The following RAB26 variants were observed in gnomAD, a reference collection of about 807,000 sequenced individuals.
RAB26 encodes the protein ras-related protein Rab-26.
RAB26 carries 39 observed loss-of-function variants against 33.1 expected under a neutral mutation model. The observed-to-expected ratio is 1.18, with a 90% CI of 0.91 to 1.54. The LOEUF (loss-of-function observed/expected upper bound fraction) is 1.54, where lower values mean the gene tolerates loss of function less well. Ranked by LOEUF, RAB26 falls within the 40% of genes most tolerant of loss-of-function variation. The probability of loss-of-function intolerance (pLI) is 0.00; values close to 1 mark genes in which losing one functional copy is unlikely to be tolerated. For synonymous variants in RAB26, 192 were observed against 151.9 expected (o/e 1.26, Z -1.94); for missense variants, 468 against 362.9 (o/e 1.29, Z -2.35).
intron 5 of RAB26, 93 bp downstream of exon 5, chr16:2,152,001 C>G: frequency 6.6e-7 from 1 of 1,510,220 alleles, no homozygotes; most frequent in Non-Finnish European, 9.1e-7. Flanking sequence ...TTCCAAAGGA[C>G]CCCGCTGAGA....
rs1345538378 is a variant in RAB26 at position 2,153,038 on chromosome 16, TGGCCAAGGTGAGTCAGGGCAG to T, written c.587_591+16del. 1.2e-6 allele frequency: 2 copies of T among 1,604,344 alleles called. No individual in the cohort carries two copies. The highest frequency in any genetic ancestry group is 1.7e-6 in the Non-Finnish European group (2 of 1,173,148). On this transcript the variant is annotated splice_donor_variant and splice_donor_5th_base_variant and coding_sequence_variant and intron_variant, in exon 7 of 9. Coordinates refer to ENST00000210187, the MANE Select transcript of RAB26 (RefSeq NM_014353.5). LOFTEE classifies it high-confidence loss of function. ...GTGAAGAGGGAGGACGGGGAGAAGCTGGCCAAGGTGAGTCAGGGCAGGGGGGTGGTGAGGGGGTGCCCCTGG... is the reference window on the plus strand; with the variant it reads ...GTGAAGAGGGAGGACGGGGAGAAGCTGGGGGTGGTGAGGGGGTGCCCCTGG...
At chr16:2,151,036 T>G in intron 2 of RAB26, 1 of 349,350 alleles carries the variant, frequency 2.9e-6, no homozygotes. Context: ...CAGGCAGTTC[T>G]GGGATCTGCG....
At position 2,153,611 on chromosome 16, in the gene RAB26, GTGGCCGCACAC is replaced by G. The variant is rs2093014690; in HGVS notation, c.*198_*208del. 1 of 669,154 alleles carries G rather than the reference GTGGCCGCACAC, an allele frequency of 1.5e-6. No individual in the cohort carries two copies. The highest frequency in any genetic ancestry group is 2.2e-5 in the Admixed American group (1 of 44,982). The allele number at this position is 669,154 out of a possible 1,614,324, so 41.5% of individuals were successfully genotyped here. A position where few individuals can be genotyped will look rare whatever the true frequency, so the allele number is the denominator to read the frequency against. ...CCAACAAGCAGGCTTCTGAGAGCCCGTGGCCGCACACTGGCCGCCACGGAAAAGCAGTCTTC... is the reference window on the plus strand; with the variant it reads ...CCAACAAGCAGGCTTCTGAGAGCCCGTGGCCGCCACGGAAAAGCAGTCTTC... On this transcript the variant is annotated 3_prime_UTR_variant, in exon 9 of 9. Coordinates refer to ENST00000210187, the MANE Select transcript of RAB26 (RefSeq NM_014353.5).
chr16:2,148,821 GC>G lies in RAB26; in HGVS notation c.39del (p.Ser13ArgfsTer85). 1 of 1,415,146 alleles carries G rather than the reference GC, an allele frequency of 7.1e-7. No homozygotes were observed. The highest frequency in any genetic ancestry group is 9.2e-7 in the Non-Finnish European group (1 of 1,085,840). 87.7% of individuals were successfully genotyped at this position (1,415,146 alleles called of 1,614,324 possible). On this transcript the variant is annotated frameshift_variant, in exon 1 of 9. Coordinates refer to ENST00000210187, the MANE Select transcript of RAB26 (RefSeq NM_014353.5). LOFTEE classifies it high-confidence loss of function. ...RKKTPKSKGA[S>X]TPAASTLPTA... ...AAGACCCCCAAGAGCAAAGGGGCCA[GC>G]ACCCCCGCTGCCTCCACGCTGCCCA...
At chr16:2,149,121 G>A in intron 1 of RAB26, 143 bp downstream of exon 1, 5 of 816,074 alleles carry the variant, frequency 6.1e-6, no homozygotes, top group Non-Finnish European at 8.2e-6. Context: ...GGCTTGCACG[G>A]TGCATCGTGC....
intron 2 of RAB26, chr16:2,151,214 T>C (rs2093003875): frequency 4.0e-6 from 2 of 497,672 alleles, no homozygotes; most frequent in South Asian, 3.1e-5. Context: ...CAAGCCATCC[T>C]GAGTCTTTCA....
chr16:2,148,766 A>G lies in RAB26; in HGVS notation c.-18A>G. Reference sequence around the variant, plus strand: ...GGCACGGCGGCTGCAGCGGGAGCACACTGAGCGCCCGCCCGCCATGTCCAG... The same window carrying G: ...GGCACGGCGGCTGCAGCGGGAGCACGCTGAGCGCCCGCCCGCCATGTCCAG... On this transcript the variant is annotated 5_prime_UTR_variant, in exon 1 of 9. Coordinates refer to ENST00000210187, the MANE Select transcript of RAB26 (RefSeq NM_014353.5). 7.7e-7 allele frequency: 1 copy of G among 1,300,920 alleles called. No individual in the cohort carries two copies. The highest frequency in any genetic ancestry group is 9.7e-7 in the Non-Finnish European group (1 of 1,029,784). 80.6% of individuals were successfully genotyped at this position (1,300,920 alleles called of 1,614,324 possible).
chr16:2,150,162 C>G, intron 2 of RAB26, 111 bp downstream of exon 2: 1 of 978,122 alleles, frequency 1.0e-6, no homozygotes, highest in East Asian at 3.1e-5. Flanking sequence ...ACCCCAGAAG[C>G]TGCCTGCCTC....
At chr16:2,152,446 C>T (rs1243869528) in intron 5 of RAB26, among the ~76,000 whole-genome samples, 3 of 151,468 alleles carry the variant, frequency 2.0e-5, no homozygotes, top group East Asian at 1.9e-4. Flanking sequence ...CTGAGGTGGG[C>T]GGATCACGAG....
rs1227003160 is a variant in RAB26 at position 2,148,994 on chromosome 16, G to GC, written c.195+22dup. The GC allele has an allele frequency of 4.7e-6, 6 of 1,270,086 alleles. No homozygotes were observed. In the South Asian group the frequency reaches 8.8e-5, roughly 19 times the overall value. The allele number at this position is 1,270,086 out of a possible 1,614,324, so 78.7% of individuals were successfully genotyped here. ...CGCCTTCAAGGTGAGCCAGGCACCC[G>GC]CCCCCCAGGCCAGCGCAGCAGGTGG... On this transcript the variant is annotated intron_variant, in intron 1 of 8. Coordinates refer to ENST00000210187, the MANE Select transcript of RAB26 (RefSeq NM_014353.5).
At chr16:2,151,117 T>C (rs1297969267) in intron 2 of RAB26, 2 of 424,436 alleles carry the variant, frequency 4.7e-6, no homozygotes, top group Non-Finnish European at 9.4e-6. Context: ...TTTAATTTTT[T>C]ATTCTTTTGA....
At position 2,148,972 on chromosome 16, in the gene RAB26, CT is replaced by C; in HGVS notation, c.191del (p.Phe64SerfsTer34). On this transcript the variant is annotated frameshift_variant, in exon 1 of 9. Coordinates refer to ENST00000210187, the MANE Select transcript of RAB26 (RefSeq NM_014353.5). LOFTEE classifies it high-confidence loss of function. The stretch of plus-strand genomic sequence containing the variant: ...GCGGTGTCGACTTCTACGACGTCGC[CT>C]TCAAGGTGAGCCAGGCACCCGCCCC... ...GGGVDFYDVA[F>X]KVMLVGDSGV... is the part of the protein sequence containing the mutation. 7.8e-7 allele frequency: 1 copy of C among 1,276,128 alleles called. No individual in the cohort carries two copies. The highest frequency in any genetic ancestry group is 9.9e-7 in the Non-Finnish European group (1 of 1,010,072). 79.1% of individuals were successfully genotyped at this position (1,276,128 alleles called of 1,614,324 possible).
At position 2,151,436 on chromosome 16, in the gene RAB26, T is replaced by C. The variant is rs934890639; in HGVS notation, c.307-133T>C. On this transcript the variant is annotated intron_variant, in intron 2 of 8. Transcript: ENST00000210187. ...CAGGTGTGGGTGAGGTCAAATTGGC[T>C]TAAGGGAAGCCTGCAGGGGCTGGGC... The C allele has an allele frequency of 3.1e-6, 4 of 1,303,938 alleles. No homozygotes were observed. The African/African-American group carries it at 4.4e-5, about 14-fold the overall frequency. 80.8% of individuals were successfully genotyped at this position (1,303,938 alleles called of 1,614,324 possible).
intron 2 of RAB26, among the ~76,000 whole-genome samples, chr16:2,150,540 T>C (rs1468420764): frequency 6.7e-6 from 1 of 149,194 alleles, no homozygotes; most frequent in Non-Finnish European, 1.5e-5. Flanking sequence ...AAATTTGCAT[T>C]TTTCTCACCC....
intron 1 of RAB26, among the ~76,000 whole-genome samples, 173 bp from the exon 2 acceptor site, chr16:2,149,768 C>A (rs1020526123): frequency 2.6e-5 from 4 of 152,200 alleles, no homozygotes; most frequent in African/African-American, 9.6e-5. Flanking sequence ...GACAGAGCAG[C>A]CCCAGCCTTT....
intron 2 of RAB26, chr16:2,150,985 C>G (rs1462452170): frequency 3.0e-6 from 1 of 329,246 alleles, no homozygotes; most frequent in Non-Finnish European, 6.0e-6. Context: ...CCCTGCCTTA[C>G]GTCTAATCGT....
chr16:2,153,047 T>G lies in RAB26; in HGVS notation c.591+2T>G. 3.1e-6 allele frequency: 5 copies of G among 1,606,336 alleles called. No individual in the cohort carries two copies. The highest frequency in any genetic ancestry group is 4.3e-6 in the Non-Finnish European group (5 of 1,174,868). On this transcript the variant is annotated splice_donor_variant, in intron 7 of 8. Coordinates refer to ENST00000210187, the MANE Select transcript of RAB26 (RefSeq NM_014353.5). LOFTEE classifies it high-confidence loss of function. The stretch of plus-strand genomic sequence containing the variant: ...GAGGACGGGGAGAAGCTGGCCAAGG[T>G]GAGTCAGGGCAGGGGGGTGGTGAGG...
intron 2 of RAB26, 125 bp downstream of exon 2, chr16:2,150,176 C>A (rs2093000287): frequency 1.3e-6 from 1 of 797,378 alleles, no homozygotes. Context: ...CTGCCTCGAC[C>A]TTCCAACACC....
Position 2,153,829 on chromosome 16 carries a change from G to C in RAB26, c.*408G>C, listed in dbSNP as rs1164173606. ...AAGGGAGGACGCCTGCCCACGCCTG[G>C]GACAGAAGGCTTCACTGCTAATCAC... On this transcript the variant is annotated 3_prime_UTR_variant, in exon 9 of 9. Transcript: ENST00000210187. The C allele has an allele frequency of 2.2e-6, 1 of 463,164 alleles. No homozygotes were observed. The allele number at this position is 463,164 out of a possible 1,614,324, so 28.7% of individuals were successfully genotyped here. A position where few individuals can be genotyped will look rare whatever the true frequency, so the allele number is the denominator to read the frequency against.
Sources: gnomAD v4.1 joint callset for allele counts (sites outside exome capture counted in the v4.1 genomes callset) on GRCh38, gnomAD v4.1.1 for gene constraint, MANE v1.5 for transcripts, NCBI Gene and HGNC (gene_info 2026-07-23, HGNC 2026-07-21) for gene names.